Variants in ZNF516 observed in about 807,000 individuals in gnomAD.
ZNF516 encodes zinc finger protein 516.
Under a neutral mutation model 79.7 loss-of-function variants are expected in ZNF516, and 19 were observed. That is an observed-to-expected ratio of 0.24 (90% confidence interval 0.17 to 0.35). The LOEUF is 0.35. Ranked by LOEUF, ZNF516 falls within the 10% of genes least tolerant of loss-of-function variation. The pLI, the probability that ZNF516 is intolerant of heterozygous loss-of-function variation, is 1.00. For missense variants in ZNF516, 1,678 were observed against 1,679.5 expected (o/e 1.00, Z 0.02); for synonymous variants, 877 against 739.5 (o/e 1.19, Z -3.02).
At chr18:76,419,491 T>G (rs2075479134) in intron 3 of ZNF516, among the ~76,000 whole-genome samples, 1 of 152,220 alleles carries the variant, frequency 6.6e-6, no homozygotes, top group Non-Finnish European at 1.5e-5. Flanking sequence ...TACTTCAATT[T>G]CACAACAGTT....
intron 1 of ZNF516, among the ~76,000 whole-genome samples, chr18:76,483,220 A>C (rs563908147): frequency 1.3e-5 from 2 of 152,202 alleles, no homozygotes; most frequent in South Asian, 2.1e-4. Context: ...GTGTTTAATA[A>C]TCTGCAAAGG....
chr18:76,374,637 C>A (rs1179984201), intron 4 of ZNF516, among the ~76,000 whole-genome samples: 1 of 152,232 alleles, frequency 6.6e-6, no homozygotes, highest in African/African-American at 2.4e-5. Flanking sequence ...TGCAAAATCA[C>A]AGAATCACAC....
chr18:76,464,142 G>A (rs1022766462), intron 1 of ZNF516, among the ~76,000 whole-genome samples: 1 of 151,808 alleles, frequency 6.6e-6, no homozygotes, highest in Non-Finnish European at 1.5e-5. Context: ...TGGCCAACAT[G>A]GTAAAACCCC....
chr18:76,473,224 T>A (rs1913947973), intron 1 of ZNF516, among the ~76,000 whole-genome samples: 2 of 151,892 alleles, frequency 1.3e-5, no homozygotes, highest in Non-Finnish European at 2.9e-5. Flanking sequence ...CACAAAAGTT[T>A]TTTTTTTCTT....
chr18:76,443,187 G>T lies in ZNF516; in HGVS notation c.-133C>A. 4 of 1,339,214 alleles carry T rather than the reference G, an allele frequency of 3.0e-6. No homozygotes were observed. The highest frequency in any genetic ancestry group is 3.9e-6 in the Non-Finnish European group (4 of 1,020,056). The allele number at this position is 1,339,214 out of a possible 1,614,324, so 83.0% of individuals were successfully genotyped here. ...CCAGGAGGTGCACCTTCTACATGGG[G>T]GGCGCAGCAGCTGGCAGCCAGCACC... On this transcript the variant is annotated 5_prime_UTR_variant, in exon 3 of 7. Transcript: ENST00000443185.
intron 3 of ZNF516, among the ~76,000 whole-genome samples, chr18:76,399,124 C>A (rs1378519128): frequency 4.6e-5 from 7 of 152,156 alleles, no homozygotes; most frequent in Non-Finnish European, 1.0e-4. Context: ...TAGCCCGACT[C>A]CCTCCTGGTG....
rs376582673 is a variant in ZNF516, at chr18:76,436,819, G to A, written c.1810+4426C>T. Among the ~76,000 whole-genome samples, 270 of 152,128 alleles carry A rather than the reference G, an allele frequency of 1.8e-3. 1 individual carries two copies. Among genetic ancestry groups the A allele is most frequent in the African/African-American group, 6.4e-3 (267 of 41,496 alleles). On this transcript the variant is annotated intron_variant, in intron 3 of 6. Coordinates refer to ENST00000443185, the MANE Select transcript of ZNF516 (RefSeq NM_014643.4). ...GCAGTGGCTCACACCTGGAATCCCA[G>A]CACTCTGGGAGGCTGAGGCGGGTGG... is the stretch of plus-strand genomic sequence containing the variant.
At chr18:76,496,165 G>T, upstream of ZNF516, 1 of 936,078 alleles carries the variant, frequency 1.1e-6, no homozygotes, top group Non-Finnish European at 1.4e-6. Context: ...CGGGCGCGCG[G>T]GGGCGGGGGA....
chr18:76,405,073 G>A (rs1443929658), intron 3 of ZNF516, among the ~76,000 whole-genome samples: 1 of 152,168 alleles, frequency 6.6e-6, no homozygotes, highest in Non-Finnish European at 1.5e-5. Context: ...CACAAGCTAG[G>A]CAGATACTCG....
At chr18:76,431,839 CTT>C (rs2075665395) in intron 3 of ZNF516, among the ~76,000 whole-genome samples, 2 of 152,314 alleles carry the variant, frequency 1.3e-5, no homozygotes, top group South Asian at 2.1e-4. Flanking sequence ...AAATCAATCT[CTT>C]TTCTTTATAC....
chr18:76,366,800 C>G (rs561388602), intron 6 of ZNF516, among the ~76,000 whole-genome samples: 5 of 152,122 alleles, frequency 3.3e-5, no homozygotes, highest in Non-Finnish European at 7.4e-5. Flanking sequence ...ATTTCCACAG[C>G]AAGTATACAA....
intron 1 of ZNF516, chr18:76,491,807 A>G (rs1008806550): frequency 1.3e-5 from 2 of 151,876 alleles, no homozygotes; most frequent in African/African-American, 4.9e-5. Context: ...TGCTGCTCAG[A>G]CACACCGAAA....
intron 3 of ZNF516, among the ~76,000 whole-genome samples, chr18:76,385,195 T>C (rs2074967548): frequency 6.6e-6 from 1 of 152,220 alleles, no homozygotes; most frequent in Non-Finnish European, 1.5e-5. Flanking sequence ...CCCGGGTTCC[T>C]TTCTAAGCAG....
At chr18:76,383,010 T>C (rs1199059482) in intron 3 of ZNF516, among the ~76,000 whole-genome samples, 1 of 119,202 alleles carries the variant, frequency 8.4e-6, no homozygotes, top group Non-Finnish European at 1.6e-5. Context: ...CACTCCAGCC[T>C]GGGCAACAGA....
chr18:76,385,985 A>G (rs993488183), intron 3 of ZNF516: 1 of 152,282 alleles, frequency 6.6e-6, no homozygotes, highest in Admixed American at 6.5e-5. Flanking sequence ...ACGCATCCCC[A>G]TGCTCTCTCT....
rs868554949 is a variant in ZNF516 at position 76,471,199 on chromosome 18, T to A, written c.-271-8058A>T. On this transcript the variant is annotated intron_variant, in intron 1 of 6. Coordinates refer to ENST00000443185, the MANE Select transcript of ZNF516 (RefSeq NM_014643.4). Reference sequence around the variant, plus strand: ...ATTCTAAAAGTATGCATATCTGGCATATCCGTTCAGATGATTACCATACTT... The same window carrying A: ...ATTCTAAAAGTATGCATATCTGGCAAATCCGTTCAGATGATTACCATACTT... 6.6e-5 allele frequency among the ~76,000 whole-genome samples: 10 copies of A among 151,922 alleles called. No individual in the cohort carries two copies. In the South Asian group the frequency reaches 2.1e-3, roughly 32 times the overall value.
At chr18:76,470,918 G>A (rs1433363374) in intron 1 of ZNF516, among the ~76,000 whole-genome samples, 1 of 151,892 alleles carries the variant, frequency 6.6e-6, no homozygotes, top group Non-Finnish European at 1.5e-5. Flanking sequence ...TCGGGAGCCT[G>A]AGAAAAAGAA....
At chr18:76,454,776 C>CA (rs760623364) in intron 2 of ZNF516, among the ~76,000 whole-genome samples, 2 of 152,076 alleles carry the variant, frequency 1.3e-5, no homozygotes, top group South Asian at 2.1e-4. Flanking sequence ...TTGCAGGAAA[C>CA]AAAAAAGGAT....
intron 3 of ZNF516, among the ~76,000 whole-genome samples, chr18:76,424,571 T>C (rs1171730901): frequency 2.5e-5 from 2 of 81,416 alleles, no homozygotes; most frequent in Admixed American, 1.8e-4. Flanking sequence ...GTGAAAAGGT[T>C]CCCCCGAAAC....
Sources: gnomAD v4.1 joint callset for allele counts (sites outside exome capture counted in the v4.1 genomes callset) on GRCh38, gnomAD v4.1.1 for gene constraint, MANE v1.5 for transcripts, NCBI Gene and HGNC (gene_info 2026-07-23, HGNC 2026-07-21) for gene names.